The following MCHR2 variants were observed in gnomAD, a reference collection of about 807,000 sequenced individuals.
MCHR2 encodes melanin concentrating hormone receptor 2.
Under a neutral mutation model 24.8 loss-of-function variants are expected in MCHR2, and 15 were observed. The ratio of observed to expected loss-of-function variants is 0.60; its 90% CI spans 0.40 to 0.93. The LOEUF (loss-of-function observed/expected upper bound fraction) is 0.93. MCHR2 is among the 40% of genes least tolerant of loss of function. MCHR2 has a pLI of 0.00. For synonymous variants in MCHR2, 151 were observed against 147.6 expected (o/e 1.02, Z -0.17); for missense variants, 386 against 408.7 (o/e 0.94, Z 0.48).
At chr6:99,975,188 C>T (rs1033232307) in intron 1 of MCHR2, among the ~76,000 whole-genome samples, 5 of 152,340 alleles carry the variant, frequency 3.3e-5, no homozygotes, top group African/African-American at 1.2e-4. Flanking sequence ...CCTACAGAGG[C>T]AGGCAGGTCT....
At chr6:99,921,902 T>G (rs1774240774) in intron 5 of MCHR2, among the ~76,000 whole-genome samples, 1 of 152,190 alleles carries the variant, frequency 6.6e-6, no homozygotes, top group African/African-American at 2.4e-5. Context: ...CTGGTTTATT[T>G]CACTTAACAT....
chr6:99,989,887 G>A (rs984345671), intron 1 of MCHR2, among the ~76,000 whole-genome samples: 1 of 151,900 alleles, frequency 6.6e-6, no homozygotes, highest in Non-Finnish European at 1.5e-5. Flanking sequence ...TATGTGCTCC[G>A]TGAAATAATC....
At chr6:99,939,146 C>T (rs1582379002) in intron 4 of MCHR2, among the ~76,000 whole-genome samples, 1 of 151,876 alleles carries the variant, frequency 6.6e-6, no homozygotes, top group African/African-American at 2.4e-5. Flanking sequence ...CTCTTGCTGC[C>T]TTTTAATTGG....
chr6:99,952,364 T>G (rs1399641198), intron 2 of MCHR2, among the ~76,000 whole-genome samples: 1 of 152,160 alleles, frequency 6.6e-6, no homozygotes, highest in Non-Finnish European at 1.5e-5. Context: ...TCCTTAAACA[T>G]ATTTATTTTA....
intron 1 of MCHR2, among the ~76,000 whole-genome samples, chr6:99,990,708 T>C (rs1383568594): frequency 6.6e-6 from 1 of 152,042 alleles, no homozygotes; most frequent in African/African-American, 2.4e-5. Flanking sequence ...TCTATAATCA[T>C]AAACTTTTCC....
chr6:99,925,981 C>T (rs1240013934), intron 5 of MCHR2, among the ~76,000 whole-genome samples: 2 of 151,862 alleles, frequency 1.3e-5, no homozygotes, highest in African/African-American at 4.8e-5. Flanking sequence ...CTATCCCTTC[C>T]CCCTGCCCCC....
chr6:99,944,616 C>T (rs548907705), intron 3 of MCHR2, among the ~76,000 whole-genome samples: 101 of 152,128 alleles, frequency 6.6e-4, no homozygotes, highest in Non-Finnish European at 1.1e-3. Context: ...ACATGCATTC[C>T]CCATGGCTAA....
chr6:99,932,261 C>T (rs1386999587), intron 5 of MCHR2, among the ~76,000 whole-genome samples: 3 of 152,056 alleles, frequency 2.0e-5, no homozygotes, highest in African/African-American at 7.2e-5. Flanking sequence ...TAAATTATGA[C>T]TCAATGTGTG....
At chr6:99,991,953 C>T (rs1775890718) in intron 1 of MCHR2, among the ~76,000 whole-genome samples, 1 of 152,076 alleles carries the variant, frequency 6.6e-6, no homozygotes, top group Admixed American at 6.5e-5. Flanking sequence ...CAGCTTTGCT[C>T]TAATTTCCCC....
At chr6:99,944,884 A>G (rs769739046) in intron 3 of MCHR2, among the ~76,000 whole-genome samples, 6 of 152,074 alleles carry the variant, frequency 3.9e-5, no homozygotes, top group Non-Finnish European at 7.4e-5. Flanking sequence ...AGCCTGTGCC[A>G]GTCTCTCTCT....
At chr6:99,921,395 G>A in intron 5 of MCHR2, 140 bp from the exon 6 acceptor site, 1 of 739,136 alleles carries the variant, frequency 1.4e-6, no homozygotes, top group Non-Finnish European at 2.1e-6. Flanking sequence ...TACTTACTTG[G>A]TGCATTGTGA....
At chr6:99,937,364 A>G (rs1774682971) in intron 4 of MCHR2, among the ~76,000 whole-genome samples, 1 of 151,882 alleles carries the variant, frequency 6.6e-6, no homozygotes, top group South Asian at 2.1e-4. Flanking sequence ...GCCCTTTGTT[A>G]TTTTGAGGTA....
At chr6:99,971,497 C>T (rs550962171) in intron 1 of MCHR2, among the ~76,000 whole-genome samples, 1 of 152,190 alleles carries the variant, frequency 6.6e-6, no homozygotes, top group African/African-American at 2.4e-5. Flanking sequence ...ACAATCACGA[C>T]ATCTGCAAAC....
chr6:99,978,110 C>T (rs1479636839), intron 1 of MCHR2, among the ~76,000 whole-genome samples: 1 of 152,214 alleles, frequency 6.6e-6, no homozygotes, highest in African/African-American at 2.4e-5. Context: ...CGATGGGCCT[C>T]TCTGGCAGGG....
At chr6:99,993,503 C>A (rs1444094214) in intron 1 of MCHR2, among the ~76,000 whole-genome samples, 2 of 152,124 alleles carry the variant, frequency 1.3e-5, no homozygotes, top group African/African-American at 4.8e-5. Flanking sequence ...AAAAGCCTTC[C>A]CGAACTCTTA....
chr6:99,926,703 T>A (rs1409082872), intron 5 of MCHR2, among the ~76,000 whole-genome samples: 1 of 152,186 alleles, frequency 6.6e-6, no homozygotes, highest in Non-Finnish European at 1.5e-5. Flanking sequence ...TTCTTGTAAA[T>A]CTGTTTGAGT....
At chr6:99,971,632 T>C (rs1369776093) in intron 1 of MCHR2, among the ~76,000 whole-genome samples, 1 of 152,162 alleles carries the variant, frequency 6.6e-6, no homozygotes, top group East Asian at 1.9e-4. Context: ...CATCCCTGTC[T>C]TGTGCCAGTT....
chr6:99,924,769 G>T (rs558523777), intron 5 of MCHR2, among the ~76,000 whole-genome samples: 2 of 151,908 alleles, frequency 1.3e-5, no homozygotes, highest in African/African-American at 2.4e-5. Flanking sequence ...GAAGATGTTT[G>T]GTATTATTTC....
At chr6:99,984,166 A>G (rs1321828815) in intron 1 of MCHR2, among the ~76,000 whole-genome samples, 1 of 152,156 alleles carries the variant, frequency 6.6e-6, no homozygotes, top group Non-Finnish European at 1.5e-5. Context: ...ATATACATAC[A>G]TATATATACA....
Sources: gnomAD v4.1 joint callset for allele counts (sites outside exome capture counted in the v4.1 genomes callset) on GRCh38, gnomAD v4.1.1 for gene constraint, MANE v1.5 for transcripts, NCBI Gene and HGNC (gene_info 2026-07-23, HGNC 2026-07-21) for gene names.